Variants in XKR6 observed in about 807,000 individuals in gnomAD.
The protein encoded by XKR6 is XK related 6.
XKR6 carries 22 observed loss-of-function variants against 56.7 expected under a neutral mutation model. The observed-to-expected ratio is 0.39, with a 90% CI of 0.28 to 0.55. The LOEUF (loss-of-function observed/expected upper bound fraction) is 0.55. Among genes scored for constraint, XKR6 ranks in the 20% least tolerant of loss-of-function variants. The pLI, the probability that XKR6 is intolerant of heterozygous loss-of-function variation, is 0.66. For synonymous variants in XKR6, 524 were observed against 387.8 expected, an observed-to-expected ratio of 1.35 and a Z score of -4.13; for missense variants, 852 against 889.0, an observed-to-expected ratio of 0.96 and a Z score of 0.53.
intron 1 of XKR6, among the ~76,000 whole-genome samples, chr8:10,996,841 G>A (rs1563335568): frequency 2.0e-5 from 3 of 152,254 alleles, no homozygotes; most frequent in East Asian, 3.9e-4. Context: ...AGTGGCACAT[G>A]CCTATAGTCC....
intron 1 of XKR6, among the ~76,000 whole-genome samples, chr8:11,069,437 G>C (rs888327368): frequency 6.6e-6 from 1 of 151,848 alleles, no homozygotes; most frequent in African/African-American, 2.4e-5. Context: ...CCTGGCCAGA[G>C]CCTGTGTTGC....
In XKR6 at chr8:11,200,700, C is replaced by T. The variant is rs771874571; in HGVS notation, c.640G>A (p.Gly214Ser). 1.9e-5 allele frequency: 30 copies of T among 1,574,770 alleles called. No individual in the cohort carries two copies. The South Asian group carries it at 3.2e-4, about 17-fold the overall frequency. Residue 214 changes from glycine (G) to serine (S), a missense_variant, in exon 1 of 3, where the codon GGC becomes AGC. Transcript: ENST00000416569. This position sits in a 1 kb window ranked among gnomAD's most constrained non-coding sequence, Gnocchi z 6.4. ...ACGCCTGGGCCACCGCGGGCCGCGC[C>T]GTGGACGTAGCCGGCCCCCATCATG... Reference protein sequence around the residue: ...PPMMGAGYVHGAARGGPGVRV... With the variant: ...PPMMGAGYVHSAARGGPGVRV...
At chr8:11,188,633 T>A (rs113363519) in intron 1 of XKR6, among the ~76,000 whole-genome samples, 2 of 152,354 alleles carry the variant, frequency 1.3e-5, no homozygotes, top group African/African-American at 4.8e-5. Context: ...AAGTGGCATC[T>A]TTTAAATGTA....
intron 1 of XKR6, among the ~76,000 whole-genome samples, chr8:11,197,360 C>A (rs947694378): frequency 2.0e-5 from 3 of 152,152 alleles, no homozygotes; most frequent in African/African-American, 7.2e-5. Flanking sequence ...AACACAAAAG[C>A]AGAGAAAGGA....
At chr8:11,132,302 A>G (rs1800142435) in intron 1 of XKR6, among the ~76,000 whole-genome samples, 1 of 152,126 alleles carries the variant, frequency 6.6e-6, no homozygotes, top group African/African-American at 2.4e-5. Flanking sequence ...ACTATTCTAC[A>G]GTCTGTACTA....
At chr8:11,044,439 C>T (rs751998693) in intron 1 of XKR6, among the ~76,000 whole-genome samples, 1 of 152,132 alleles carries the variant, frequency 6.6e-6, no homozygotes, top group Non-Finnish European at 1.5e-5. Context: ...CTGCAGTTTG[C>T]GATCTCCTTC....
intron 1 of XKR6, among the ~76,000 whole-genome samples, chr8:10,929,296 G>C (rs963906656): frequency 2.0e-5 from 3 of 152,248 alleles, no homozygotes; most frequent in African/African-American, 7.2e-5. Flanking sequence ...CTATGAGGTA[G>C]CTGCAATATT....
rs1799916709 is a variant in XKR6, at chr8:10,897,530, G to C, written c.*422C>G. 1 of 154,700 alleles carries C rather than the reference G, an allele frequency of 6.5e-6. No homozygotes were observed. Among genetic ancestry groups the C allele is most frequent in the South Asian group, 2.1e-4 (1 of 4,812 alleles). The allele number at this position is 154,700 out of a possible 1,614,324, so 9.6% of individuals were successfully genotyped here. ...TGTTTGTTTGTGTTTGTTTTGTTTT[G>C]TTTTGTTCTTTCAATCAGCACCAAT... On this transcript the variant is annotated 3_prime_UTR_variant, in exon 3 of 3. Coordinates refer to ENST00000416569, the MANE Select transcript of XKR6 (RefSeq NM_173683.4).
intron 1 of XKR6, among the ~76,000 whole-genome samples, chr8:11,061,785 G>C (rs538322468): frequency 6.6e-6 from 1 of 152,312 alleles, no homozygotes; most frequent in East Asian, 1.9e-4. Context: ...ATGAGAAGAA[G>C]GAAGGGGGCT....
intron 1 of XKR6, among the ~76,000 whole-genome samples, chr8:11,078,840 T>C (rs777154361): frequency 6.6e-6 from 1 of 152,112 alleles, no homozygotes; most frequent in Non-Finnish European, 1.5e-5. Context: ...AGAGTGGACA[T>C]ACCCTCCCAT....
intron 1 of XKR6, among the ~76,000 whole-genome samples, chr8:11,088,290 A>G (rs1472517080): frequency 6.6e-6 from 1 of 152,254 alleles, no homozygotes; most frequent in Non-Finnish European, 1.5e-5. Context: ...CCAATCTGAC[A>G]TAAAATGATA....
intron 1 of XKR6, among the ~76,000 whole-genome samples, chr8:10,988,571 T>C (rs1797916958): frequency 6.6e-6 from 1 of 152,018 alleles, no homozygotes; most frequent in Admixed American, 6.5e-5. Flanking sequence ...CCATGCAAGG[T>C]CCACACAGAA....
At chr8:11,115,269 T>G (rs1009187605) in intron 1 of XKR6, among the ~76,000 whole-genome samples, 4 of 152,228 alleles carry the variant, frequency 2.6e-5, no homozygotes, top group Non-Finnish European at 4.4e-5. Flanking sequence ...AAATTAATTC[T>G]TTCTCATTTG....
At chr8:11,021,686 C>T (rs1270533687) in intron 1 of XKR6, among the ~76,000 whole-genome samples, 3 of 152,212 alleles carry the variant, frequency 2.0e-5, no homozygotes, top group Non-Finnish European at 4.4e-5. Context: ...ATCATGACTG[C>T]TATATATTCT....
chr8:11,045,614 T>C (rs1799393559), intron 1 of XKR6, among the ~76,000 whole-genome samples: 1 of 152,178 alleles, frequency 6.6e-6, no homozygotes, highest in Admixed American at 6.5e-5. Flanking sequence ...AATTAAACAA[T>C]GTGTGTATAG....
chr8:11,170,429 G>C (rs7818911), intron 1 of XKR6, among the ~76,000 whole-genome samples: 5,726 of 152,266 alleles, frequency 0.038, 139 homozygotes, highest in African/African-American at 0.055. Flanking sequence ...AACATTATGT[G>C]AAAGTAAAAG....
At chr8:10,914,858 C>G (rs1166745917) in intron 2 of XKR6, among the ~76,000 whole-genome samples, 1 of 152,240 alleles carries the variant, frequency 6.6e-6, no homozygotes, top group African/African-American at 2.4e-5. Context: ...CCTCTCTCCT[C>G]CCTGGCTGCC....
At chr8:11,100,724 C>A (rs766740533) in intron 1 of XKR6, among the ~76,000 whole-genome samples, 2 of 152,212 alleles carry the variant, frequency 1.3e-5, no homozygotes, top group Non-Finnish European at 2.9e-5. Context: ...CTTTGATCTG[C>A]CTAATTAGGC....
At chr8:11,138,601 T>C (rs926350331) in intron 1 of XKR6, 2 of 152,234 alleles carry the variant, frequency 1.3e-5, no homozygotes, top group African/African-American at 4.8e-5. Context: ...TATTTAATTT[T>C]AATCCTCCCT....
Sources: allele counts gnomAD v4.1 joint callset (sites outside exome capture counted in the v4.1 genomes callset), GRCh38; gene constraint gnomAD v4.1.1; non-coding constraint Gnocchi (gnomAD v3.1); transcripts MANE v1.5; gene names NCBI Gene and HGNC (gene_info 2026-07-23, HGNC 2026-07-21).